The following C3orf20 variants were observed in gnomAD, a reference collection of about 807,000 sequenced individuals.
The protein encoded by C3orf20 is uncharacterized protein C3orf20.
A neutral mutation model predicts 88.3 loss-of-function variants in C3orf20; 76 were observed. That is an observed-to-expected ratio of 0.86 (90% CI 0.72 to 1.04). The LOEUF is 1.04. Among genes scored for constraint, C3orf20 ranks in the 50% least tolerant of loss-of-function variants. The pLI is 0.00. For synonymous variants in C3orf20, 436 were observed against 437.4 expected, an observed-to-expected ratio of 1.00 and a Z score of 0.04; for missense variants, 1,056 against 1,123.3, an observed-to-expected ratio of 0.94 and a Z score of 0.86.
At chr3:14,752,773 C>G (rs1299411056) in intron 12 of C3orf20, among the ~76,000 whole-genome samples, 1 of 152,146 alleles carries the variant, frequency 6.6e-6, no homozygotes, top group Admixed American at 6.5e-5. Flanking sequence ...AAATGCAAAT[C>G]AAAACGATAA....
chr3:14,770,873 G>A (rs1436326330), intron 15 of C3orf20, among the ~76,000 whole-genome samples: 3 of 152,148 alleles, frequency 2.0e-5, no homozygotes, highest in Non-Finnish European at 4.4e-5. Flanking sequence ...TGCTTCCCAG[G>A]GCTGCTGTGA....
chr3:14,698,199 C>A (rs1162992490), intron 5 of C3orf20, among the ~76,000 whole-genome samples: 1 of 149,162 alleles, frequency 6.7e-6, no homozygotes, highest in Non-Finnish European at 1.5e-5. Flanking sequence ...TCTTGAATTT[C>A]TTTGAGTTTC....
Position 14,772,437 on chromosome 3 carries a change from C to G in C3orf20, c.2630+236C>G, listed in dbSNP as rs1408256323. ...CCTTTTGTAGACTTTGCAGCAGAACCCCACAGCCCAGACCCATTAGTCTGA... is the reference window on the plus strand; with the variant it reads ...CCTTTTGTAGACTTTGCAGCAGAACGCCACAGCCCAGACCCATTAGTCTGA... On this transcript the variant is annotated intron_variant, in intron 16 of 16. Coordinates refer to ENST00000253697, the MANE Select transcript of C3orf20 (RefSeq NM_032137.5). This position sits in a 1 kb window ranked among gnomAD's most constrained non-coding sequence, Gnocchi z 4.2. Among the ~76,000 whole-genome samples, 1 of 152,206 alleles carries G rather than the reference C, an allele frequency of 6.6e-6. No individual in the cohort carries two copies. The highest frequency in any genetic ancestry group is 1.5e-5 in the Non-Finnish European group (1 of 68,038).
intron 15 of C3orf20, among the ~76,000 whole-genome samples, chr3:14,769,244 G>A (rs1354285161): frequency 6.6e-6 from 1 of 151,988 alleles, no homozygotes; most frequent in Non-Finnish European, 1.5e-5. Flanking sequence ...GGCAGAGGAG[G>A]GGACCTGGGA....
At position 14,735,787 on chromosome 3, in the gene C3orf20, A is replaced by G. The variant is rs977018594; in HGVS notation, c.1940+7099A>G. 1.3e-4 allele frequency among the ~76,000 whole-genome samples: 20 copies of G among 151,684 alleles called. 1 individual carries two copies. The highest frequency in any genetic ancestry group is 8.6e-4 in the Admixed American group (13 of 15,198). ...TTTTTGTATTTTTAGTAGAGATGGG[A>G]TTTCACCATGTTGGCCAGGCTGGTC... On this transcript the variant is annotated intron_variant, in intron 12 of 16. Transcript: ENST00000253697.
At position 14,739,640 on chromosome 3, in the gene C3orf20, A is replaced by G. The variant is rs55640025; in HGVS notation, c.1940+10952A>G. On this transcript the variant is annotated intron_variant, in intron 12 of 16. Transcript: ENST00000253697. ...AGACATTGACTTCTCCTCTCTAGCT[A>G]TGTAAGTCCTAGGTGGCATCTTCTT... Among the ~76,000 whole-genome samples, 877 of 152,290 alleles carry G rather than the reference A, an allele frequency of 5.8e-3. 8 individuals are homozygous for G. Among genetic ancestry groups the G allele is most frequent in the African/African-American group, 0.02 (834 of 41,534 alleles).
chr3:14,698,472 T>C (rs1458566315), intron 5 of C3orf20, among the ~76,000 whole-genome samples: 1 of 152,284 alleles, frequency 6.6e-6, no homozygotes, highest in Non-Finnish European at 1.5e-5. Flanking sequence ...ACCTAAGTCA[T>C]GTCTGCATTA....
intron 13 of C3orf20, 89 bp from the exon 14 acceptor site, chr3:14,759,801 AG>A: frequency 1.9e-6 from 2 of 1,080,638 alleles, no homozygotes; most frequent in Non-Finnish European, 1.4e-6. Flanking sequence ...TCCAGGACTC[AG>A]GGGGAACCAG....
intron 9 of C3orf20, 45 bp downstream of exon 9, chr3:14,715,454 C>A: frequency 6.3e-7 from 1 of 1,583,776 alleles, no homozygotes; most frequent in South Asian, 1.2e-5. Flanking sequence ...GCACCACTGT[C>A]ACAGGGAGGG....
intron 1 of C3orf20, among the ~76,000 whole-genome samples, chr3:14,677,353 C>G (rs114506153): frequency 3.2e-4 from 49 of 152,228 alleles, no homozygotes; most frequent in Non-Finnish European, 5.7e-4. Context: ...GCCGGGTACC[C>G]TTGATTTTCC....
intron 1 of C3orf20, among the ~76,000 whole-genome samples, chr3:14,678,753 G>A (rs886743006): frequency 1.3e-5 from 2 of 152,306 alleles, no homozygotes; most frequent in East Asian, 3.9e-4. Flanking sequence ...ATGTAGCAGT[G>A]CTGGGCTTAG....
intron 6 of C3orf20, among the ~76,000 whole-genome samples, chr3:14,703,564 A>G (rs908531792): frequency 1.3e-5 from 2 of 152,222 alleles, no homozygotes; most frequent in Non-Finnish European, 2.9e-5. Context: ...CTAAGCAGGT[A>G]TGTGAGTAAG....
Position 14,707,079 on chromosome 3 carries a change from C to T in C3orf20, c.1160+2461C>T, listed in dbSNP as rs568357685. Among the ~76,000 whole-genome samples, 66 of 151,964 alleles carry T rather than the reference C, an allele frequency of 4.3e-4. 2 individuals are homozygous for T. Among genetic ancestry groups the T allele is most frequent in the South Asian group, 3.7e-3 (18 of 4,802 alleles). On this transcript the variant is annotated intron_variant, in intron 7 of 16. Coordinates refer to ENST00000253697, the MANE Select transcript of C3orf20 (RefSeq NM_032137.5). ...CCTGGCTAACATGGTGAAACCCCGT[C>T]TCTACTAAAAATACAAAAAATTAGC...
chr3:14,680,289 T>TA, intron 1 of C3orf20, among the ~76,000 whole-genome samples: 1 of 152,358 alleles, frequency 6.6e-6, no homozygotes, highest in East Asian at 1.9e-4. Flanking sequence ...CAAATTGTGG[T>TA]ATATCCATAC....
chr3:14,682,580 A>G lies in C3orf20; in HGVS notation c.-134A>G. On this transcript the variant is annotated splice_region_variant and 5_prime_UTR_variant, in exon 3 of 17. Transcript: ENST00000253697. ...CTTTTCTTGTCCTTTCCGGATAGGA[A>G]CCACTGGCTCAATGACCTGTAAGGG... The G allele has an allele frequency of 2.5e-6, 3 of 1,189,350 alleles. No homozygotes were observed. The East Asian group carries it at 7.0e-5, about 28-fold the overall frequency. The allele number at this position is 1,189,350 out of a possible 1,614,324, so 73.7% of individuals were successfully genotyped here.
In C3orf20 at chr3:14,742,463, T is replaced by C. The variant is rs1042194603; in HGVS notation, c.1940+13775T>C. Among the ~76,000 whole-genome samples, 23 of 152,230 alleles carry C rather than the reference T, an allele frequency of 1.5e-4. 1 individual carries two copies. The highest frequency in any genetic ancestry group is 1.2e-3 in the Admixed American group (18 of 15,288). ...CAGAATCCAGTCAGAGCCACTGTTATGAATTTTTGCAAGATTGGTCAGTGG... is the reference window on the plus strand; with the variant it reads ...CAGAATCCAGTCAGAGCCACTGTTACGAATTTTTGCAAGATTGGTCAGTGG... On this transcript the variant is annotated intron_variant, in intron 12 of 16. Coordinates refer to ENST00000253697, the MANE Select transcript of C3orf20 (RefSeq NM_032137.5).
intron 13 of C3orf20, among the ~76,000 whole-genome samples, chr3:14,758,449 G>A (rs1325476020): frequency 6.6e-6 from 1 of 152,194 alleles, no homozygotes; most frequent in South Asian, 2.1e-4. Context: ...TCAGGCTTAT[G>A]TAATCCTCCA....
chr3:14,711,556 G>A (rs190290520), intron 7 of C3orf20, among the ~76,000 whole-genome samples: 1 of 150,630 alleles, frequency 6.6e-6, no homozygotes, highest in Non-Finnish European at 1.5e-5. Context: ...TGTGTCTTTG[G>A]ATCTAAAGTG....
chr3:14,742,691 C>T (rs548886508), intron 12 of C3orf20, among the ~76,000 whole-genome samples: 3 of 152,156 alleles, frequency 2.0e-5, no homozygotes, highest in East Asian at 1.9e-4. Context: ...AAGACATACC[C>T]GAAACTGGGA....
Sources: gnomAD v4.1 joint callset for allele counts (sites outside exome capture counted in the v4.1 genomes callset) on GRCh38, gnomAD v4.1.1 for gene constraint, Gnocchi (gnomAD v3.1) non-coding constraint, MANE v1.5 for transcripts, NCBI Gene and HGNC (gene_info 2026-07-23, HGNC 2026-07-21) for gene names.